Variants in ANAPC15 observed in about 807,000 individuals in gnomAD.
ANAPC15 encodes anaphase promoting complex subunit 15.
Under a neutral mutation model 19.8 loss-of-function variants are expected in ANAPC15, and 13 were observed. The observed-to-expected ratio is 0.66, with a 90% confidence interval of 0.43 to 1.04. The LOEUF is 1.04. Among genes scored for constraint, ANAPC15 ranks in the 50% least tolerant of loss-of-function variants. The pLI, the probability that ANAPC15 is intolerant of heterozygous loss-of-function variation, is 0.00. For synonymous variants in ANAPC15, 45 were observed against 50.7 expected (o/e 0.89, Z 0.47); for missense variants, 88 against 150.3 (o/e 0.59, Z 2.17).
chr11:72,107,874 C>A, downstream of ANAPC15: 3 of 1,541,692 alleles, frequency 1.9e-6, no homozygotes, highest in Non-Finnish European at 2.6e-6. Flanking sequence ...TTATCAGGGG[C>A]CCTGCATCCA....
downstream of ANAPC15, chr11:72,109,137 T>G: frequency 1.8e-6 from 1 of 568,866 alleles, no homozygotes; most frequent in Non-Finnish European, 3.1e-6. Context: ...GCCCCCTCTT[T>G]CCAGAGAGAA....
chr11:72,112,651 G>A lies in ANAPC15; in HGVS notation c.-97C>T, dbSNP rs937345978. 2.2e-6 allele frequency: 1 copy of A among 456,634 alleles called. No individual in the cohort carries two copies. Among genetic ancestry groups the A allele is most frequent in the South Asian group, 1.5e-5 (1 of 64,556 alleles). 28.3% of individuals were successfully genotyped at this position (456,634 alleles called of 1,614,324 possible). Reference sequence around the variant, plus strand: ...TTGCAGCCTTGCGTCTGTACTTACCGCGCCGGGAGGCTGCTGCCGGCGGCG... The same window carrying A: ...TTGCAGCCTTGCGTCTGTACTTACCACGCCGGGAGGCTGCTGCCGGCGGCG... On this transcript the variant is annotated splice_region_variant and 5_prime_UTR_variant, in exon 1 of 6. Transcript: ENST00000227618.
chr11:72,109,580 A>C (rs1454766334), downstream of ANAPC15: 7 of 517,236 alleles, frequency 1.4e-5, no homozygotes, highest in Non-Finnish European at 2.5e-5. Context: ...TAGGGAATAG[A>C]CATGGGTGGA....
At chr11:72,108,643 G>A (rs543661539), downstream of ANAPC15, 65 of 1,502,186 alleles carry the variant, frequency 4.3e-5, no homozygotes, top group African/African-American at 8.3e-5. Flanking sequence ...ACGTGATCCC[G>A]TGCCTACGCA....
chr11:72,109,130 C>T (rs1946063829), downstream of ANAPC15: 2 of 579,882 alleles, frequency 3.4e-6, no homozygotes, highest in Non-Finnish European at 6.1e-6. Flanking sequence ...TCACTAGGCC[C>T]CCTCTTTCCA....
Position 72,111,194 on chromosome 11 carries a change from G to C in ANAPC15, c.83C>G (p.Thr28Arg). ...FNLDRPCVEE[T>R]ELQQQEQQHQ... ...CTGCTGTTCCTGCTGCTGCAGCTCT[G>C]TCTCTTCCACACAGGGTCGATCCAG... Residue 28 changes from threonine (T) to arginine (R), a missense_variant, in exon 3 of 6, where the codon ACA becomes AGA. Thr to Arg is a moderately conservative substitution (Grantham distance 71, BLOSUM62 -1). Coordinates refer to ENST00000227618, the MANE Select transcript of ANAPC15 (RefSeq NM_014042.3). The C allele has an allele frequency of 6.2e-7, 1 of 1,613,392 alleles. No homozygotes were observed. Among genetic ancestry groups the C allele is most frequent in the Non-Finnish European group, 8.5e-7 (1 of 1,179,348 alleles).
chr11:72,108,906 C>G (rs1410902812), downstream of ANAPC15: 1 of 1,544,724 alleles, frequency 6.5e-7, no homozygotes, highest in East Asian at 2.4e-5. Context: ...GCTCAGCTCA[C>G]CTATGCTGGA....
Position 72,111,290 on chromosome 11 carries a change from A to G in ANAPC15, c.-10-4T>C, listed in dbSNP as rs1316955498. 1 of 1,588,596 alleles carries G rather than the reference A, an allele frequency of 6.3e-7. No individual in the cohort carries two copies. The highest frequency in any genetic ancestry group is 1.7e-5 in the Admixed American group (1 of 59,314). ...CAAAGTGGACATGGCTCCTAGACTG[A>G]GGGAAAGGGTCAAGTGAATGTGTTT... is the stretch of plus-strand genomic sequence containing the variant. On this transcript the variant is annotated splice_polypyrimidine_tract_variant and splice_region_variant and intron_variant, in intron 2 of 5. Transcript: ENST00000227618.
downstream of ANAPC15, chr11:72,107,986 A>T: frequency 1.3e-6 from 2 of 1,551,688 alleles, no homozygotes; most frequent in Non-Finnish European, 8.7e-7. Context: ...TTGGGAACCT[A>T]CTGTGGATAC....
chr11:72,108,010 T>C (rs976844118), downstream of ANAPC15: 5 of 1,551,732 alleles, frequency 3.2e-6, no homozygotes, highest in South Asian at 2.4e-5. Context: ...ACCCTGCTTA[T>C]TGCCCGAGCC....
At position 72,109,750 on chromosome 11, in the gene ANAPC15, T is replaced by G; in HGVS notation, c.*131A>C. On this transcript the variant is annotated 3_prime_UTR_variant, in exon 6 of 6. Transcript: ENST00000227618. ...AAAGAGACCAGATCCTGGCAGCAGC[T>G]GAGGAGGTGCCCAAGGGCACTTTCA... 9.0e-7 allele frequency: 1 copy of G among 1,108,510 alleles called. No homozygotes were observed. Among genetic ancestry groups the G allele is most frequent in the South Asian group, 1.3e-5 (1 of 76,108 alleles). The allele number at this position is 1,108,510 out of a possible 1,614,324, so 68.7% of individuals were successfully genotyped here.
chr11:72,107,471 T>C (rs976211059), downstream of ANAPC15: 11 of 702,548 alleles, frequency 1.6e-5, no homozygotes, highest in Non-Finnish European at 2.6e-5. Context: ...CAGATGGCGA[T>C]GGGGGTGGGA....
At position 72,110,127 on chromosome 11, in the gene ANAPC15, A is replaced by G. The variant is rs1453510077; in HGVS notation, c.279T>C (p.Asn93=). ...DEDMQDMDEM[N]DYNESPDDGE... ...CATCATCCGGTGACTCATTGTAGTC[A>G]TTCATCTCGTCCATGTCCTGCATAT... Residue 93 remains asparagine (N), a synonymous_variant, in exon 5 of 6, where the codon AAT becomes AAC. Transcript: ENST00000227618. 1.9e-6 allele frequency: 3 copies of G among 1,614,182 alleles called. No homozygotes were observed. The South Asian group carries it at 3.3e-5, about 18-fold the overall frequency.
In ANAPC15 at chr11:72,110,516, A is replaced by C. The variant is rs1946495750; in HGVS notation, c.180+28T>G. 3.1e-6 allele frequency: 5 copies of C among 1,613,740 alleles called. No homozygotes were observed. The African/African-American group carries it at 6.7e-5, about 22-fold the overall frequency. ...AGCCTCGGTCCACTGCGGCCCCCACACAGGCCCCACCTGCTAGAGCCACTC... is the reference window on the plus strand; with the variant it reads ...AGCCTCGGTCCACTGCGGCCCCCACCCAGGCCCCACCTGCTAGAGCCACTC... On this transcript the variant is annotated intron_variant, in intron 4 of 5. Coordinates refer to ENST00000227618, the MANE Select transcript of ANAPC15 (RefSeq NM_014042.3).
downstream of ANAPC15, chr11:72,108,972 C>G: frequency 7.0e-7 from 1 of 1,432,888 alleles, no homozygotes; most frequent in East Asian, 2.5e-5. Context: ...CACCCCCACC[C>G]AAGCAGGGAC....
intron 1 of ANAPC15, chr11:72,111,955 G>A (rs760564595): frequency 6.5e-6 from 1 of 152,890 alleles, no homozygotes; most frequent in Non-Finnish European, 1.5e-5. Flanking sequence ...TTGAGCGGCT[G>A]AGGGAGCCGA....
Position 72,109,717 on chromosome 11 carries a change from G to A in ANAPC15, c.*164C>T. The A allele has an allele frequency of 1.3e-6, 1 of 787,586 alleles. No homozygotes were observed. The highest frequency in any genetic ancestry group is 2.1e-6 in the Non-Finnish European group (1 of 474,310). 48.8% of individuals were successfully genotyped at this position (787,586 alleles called of 1,614,324 possible). On this transcript the variant is annotated 3_prime_UTR_variant, in exon 6 of 6. Transcript: ENST00000227618. ...TTTCAAGTGCAGACTGATGGCCTGGGAGGGGCCAAAGAGACCAGATCCTGG... is the reference window on the plus strand; with the variant it reads ...TTTCAAGTGCAGACTGATGGCCTGGAAGGGGCCAAAGAGACCAGATCCTGG...
At chr11:72,111,851 T>C (rs1190098193) in intron 1 of ANAPC15, 1 of 154,052 alleles carries the variant, frequency 6.5e-6, no homozygotes, top group Non-Finnish European at 1.4e-5. Flanking sequence ...GCAAGCAGGG[T>C]TCAGTAAGAC....
chr11:72,108,737 G>C, downstream of ANAPC15: 3 of 1,550,410 alleles, frequency 1.9e-6, 1 homozygote, highest in Admixed American at 2.0e-5. Context: ...GCTGCTGGAG[G>C]CCCATGCCCT....
Sources: gnomAD v4.1 joint callset for allele counts on GRCh38, gnomAD v4.1.1 for gene constraint, MANE v1.5 for transcripts, NCBI Gene and HGNC (gene_info 2026-07-23, HGNC 2026-07-21) for gene names.